Variants in PRR12 observed in about 807,000 individuals in gnomAD.
The protein encoded by PRR12 is proline rich 12.
Under a neutral mutation model 138.0 loss-of-function variants are expected in PRR12, and 12 were observed. The observed-to-expected ratio is 0.09, with a 90% CI of 0.06 to 0.14. The LOEUF is 0.14. Ranked by LOEUF, PRR12 falls within the 10% of genes least tolerant of loss-of-function variation. PRR12 has a pLI of 1.00. For synonymous variants in PRR12, 1,567 were observed against 1,291.7 expected, an observed-to-expected ratio of 1.21 and a Z score of -4.57; for missense variants, 2,692 against 2,861.3, an observed-to-expected ratio of 0.94 and a Z score of 1.35.
At chr19:49,611,133 C>G (rs776898001) in intron 6 of PRR12, among the ~76,000 whole-genome samples, 1 of 152,008 alleles carries the variant, frequency 6.6e-6, no homozygotes, top group Non-Finnish European at 1.5e-5. Context: ...TGAGCCACTG[C>G]GCCTGGCCAT....
chr19:49,622,908 C>CATATATAT (rs61466559), intron 11 of PRR12, among the ~76,000 whole-genome samples: 105 of 97,180 alleles, frequency 1.1e-3, no homozygotes, highest in African/African-American at 4.1e-3. Context: ...AAAACAAAAA[C>CATATATAT]ATATATATAT....
chr19:49,592,900 G>C (rs569501407), intron 1 of PRR12, among the ~76,000 whole-genome samples: 1 of 151,814 alleles, frequency 6.6e-6, no homozygotes, highest in African/African-American at 2.4e-5. Flanking sequence ...GTTCCCGTGT[G>C]TCTACGGAAG....
chr19:49,596,369 C>T lies in PRR12; in HGVS notation c.2034C>T (p.Gly678=), dbSNP rs777089986. The part of the protein sequence containing the change: ...ADASKGLGGS[G]GAGGPPGTPY... ...CCTCTAAGGGACTTGGGGGGAGTGG[C>T]GGGGCCGGGGGACCACCGGGTACAC... Residue 678 remains glycine (G), a synonymous_variant, in exon 4 of 14, where the codon GGC becomes GGT. Coordinates refer to ENST00000418929, the MANE Select transcript of PRR12 (RefSeq NM_020719.3). This position sits in a 1 kb window ranked among gnomAD's most constrained non-coding sequence, Gnocchi z 5.6. The T allele has an allele frequency of 1.7e-5, 27 of 1,598,022 alleles. No individual in the cohort carries two copies. Among genetic ancestry groups the T allele is most frequent in the East Asian group, 1.4e-4 (6 of 44,428 alleles).
At position 49,596,807 on chromosome 19, in the gene PRR12, T is replaced by C. The variant is rs754729382; in HGVS notation, c.2472T>C (p.Leu824=). 2 of 1,599,784 alleles carry C rather than the reference T, an allele frequency of 1.3e-6. No homozygotes were observed. Among genetic ancestry groups the C allele is most frequent in the East Asian group, 2.2e-5 (1 of 44,818 alleles). Residue 824 remains leucine (L), a synonymous_variant, in exon 4 of 14, where the codon CTT becomes CTC. Coordinates refer to ENST00000418929, the MANE Select transcript of PRR12 (RefSeq NM_020719.3). This position sits in a 1 kb window ranked among gnomAD's most constrained non-coding sequence, Gnocchi z 5.6. The part of the protein sequence containing the change: ...PSASKVGVHL[L]EPATRDGAPQ... ...CCTCCAAAGTCGGCGTCCACCTCCTTGAGCCAGCCACCCGCGATGGGGCAC... is the reference window on the plus strand; with the variant it reads ...CCTCCAAAGTCGGCGTCCACCTCCTCGAGCCAGCCACCCGCGATGGGGCAC...
At position 49,599,964 on chromosome 19, in the gene PRR12, A is replaced by G; in HGVS notation, c.4345+26A>G. 1 of 1,559,256 alleles carries G rather than the reference A, an allele frequency of 6.4e-7. No homozygotes were observed. The highest frequency in any genetic ancestry group is 8.7e-7 in the Non-Finnish European group (1 of 1,151,474). ...GTGAGCTCTGGGCAGGTGGTCTGGG[A>G]GTAGAGCTTAAAGGTTATTATGATC... is the stretch of plus-strand genomic sequence containing the variant. On this transcript the variant is annotated intron_variant, in intron 5 of 13. Coordinates refer to ENST00000418929, the MANE Select transcript of PRR12 (RefSeq NM_020719.3). The surrounding 1 kb of genome is among the most constrained non-coding windows in gnomAD (Gnocchi z 5.0).
At chr19:49,602,584 C>T (rs10412266) in intron 6 of PRR12, among the ~76,000 whole-genome samples, 1,659 of 152,184 alleles carry the variant, frequency 0.011, 31 homozygotes, top group African/African-American at 0.037. Context: ...GATGGAGTTT[C>T]GCTCTTGTCC....
intron 6 of PRR12, among the ~76,000 whole-genome samples, chr19:49,610,481 C>T (rs577438831): frequency 2.0e-5 from 3 of 151,494 alleles, no homozygotes; most frequent in African/African-American, 4.9e-5. Context: ...CAACACATTG[C>T]GGCCTGAGGT....
Position 49,596,443 on chromosome 19 carries a change from T to A in PRR12, c.2108T>A (p.Val703Asp). ...EDPQRYHLQS[V>D]IRTSASLDEG... The stretch of plus-strand genomic sequence containing the variant: ...CCCCAGAGGTACCACCTGCAGAGTG[T>A]CATCCGCACCAGTGCCAGCCTGGAT... Residue 703 changes from valine (V) to aspartate (D), a missense_variant, in exon 4 of 14, where the codon GTC becomes GAC. Physicochemically the swap from Val to Asp is radical, Grantham distance 152. Coordinates refer to ENST00000418929, the MANE Select transcript of PRR12 (RefSeq NM_020719.3). The surrounding 1 kb of genome is among the most constrained non-coding windows in gnomAD (Gnocchi z 5.6). 6.2e-7 allele frequency: 1 copy of A among 1,610,842 alleles called. No homozygotes were observed. Among genetic ancestry groups the A allele is most frequent in the Non-Finnish European group, 8.5e-7 (1 of 1,179,420 alleles).
In PRR12 at chr19:49,602,476, A is replaced by G. The variant is rs186878261; in HGVS notation, c.4773+558A>G. Among the ~76,000 whole-genome samples the G allele has an allele frequency of 2.2e-3, 336 of 152,346 alleles. 1 individual carries two copies. The highest frequency in any genetic ancestry group is 2.8e-3 in the Non-Finnish European group (193 of 68,022). On this transcript the variant is annotated intron_variant, in intron 6 of 13. Transcript: ENST00000418929. ...CACTTTGGGAGTTTGAGACCAGCCT[A>G]GGCAACATAATGAAACCTTTTCTCT...
rs779749262 is a variant in PRR12, at chr19:49,601,540, G to A, written c.4395G>A (p.Pro1465=). 84 of 1,448,772 alleles carry A rather than the reference G, an allele frequency of 5.8e-5. No homozygotes were observed. The Middle Eastern group carries it at 8.9e-4, about 15-fold the overall frequency. 89.7% of individuals were successfully genotyped at this position (1,448,772 alleles called of 1,614,324 possible). A position where few individuals can be genotyped will look rare whatever the true frequency, so the allele number is the denominator to read the frequency against. ...CCCCACCCACTCCACCTCCTGCCCC[G>A]ACTCCTCAGCCTCAGCCTCCGCCAC... ...EKPPPTPPPA[P]TPQPQPPPPP... The change falls in exon 6 of 14, where the codon CCG becomes CCA. Residue 1465 remains proline, a synonymous_variant. Transcript: ENST00000418929.
At chr19:49,610,202 C>T (rs903224529) in intron 6 of PRR12, among the ~76,000 whole-genome samples, 8 of 151,756 alleles carry the variant, frequency 5.3e-5, no homozygotes, top group Non-Finnish European at 8.8e-5. Context: ...CTCGAACTCC[C>T]GACCTCAGGT....
In PRR12 at chr19:49,595,462, G is replaced by T; in HGVS notation, c.1127G>T (p.Gly376Val). ...GCAGGGGGCGGTGGGGCTGGGGGTG[G>T]TGGTGGAGGTTACCGCCCCATCATT... is the stretch of plus-strand genomic sequence containing the variant. The part of the protein sequence containing the change: ...EAAGGGGAGG[G>V]GGGYRPIIQS... The change falls in exon 4 of 14, where the codon GGT becomes GTT. Residue 376 changes from glycine (G) to valine (V), a missense_variant. Coordinates refer to ENST00000418929, the MANE Select transcript of PRR12 (RefSeq NM_020719.3). 1.9e-6 allele frequency: 3 copies of T among 1,549,602 alleles called. No homozygotes were observed. Among genetic ancestry groups the T allele is most frequent in the Non-Finnish European group, 2.6e-6 (3 of 1,147,548 alleles).
At chr19:49,603,384 C>G (rs192829426) in intron 6 of PRR12, among the ~76,000 whole-genome samples, 1 of 152,214 alleles carries the variant, frequency 6.6e-6, no homozygotes, top group Non-Finnish European at 1.5e-5. Flanking sequence ...TTTGGCCCTT[C>G]GTGTACAGTG....
rs765901626 is a variant in PRR12 at position 49,616,061 on chromosome 19, G to C, written c.5339G>C (p.Arg1780Pro). The change falls in exon 9 of 14, where the codon CGG becomes CCG. Residue 1780 changes from arginine (R) to proline (P), a missense_variant. Physicochemically the swap from Arg to Pro is moderately radical, Grantham distance 103. Around this residue, in one of 11 missense-constraint regions of PRR12, gnomAD observed 259 missense variants for 265.1 expected, o/e 0.98. Transcript: ENST00000418929. This position sits in a 1 kb window ranked among gnomAD's most constrained non-coding sequence, Gnocchi z 4.2. Reference protein sequence around the residue: ...SLATGQPATSRLPKARPTKVK... With the variant: ...SLATGQPATSPLPKARPTKVK... ...GCCACGGGACAACCTGCCACATCCC[G>C]GCTGCCCAAAGCCCGGCCTACCAAG... 2.6e-6 allele frequency: 4 copies of C among 1,563,894 alleles called. No homozygotes were observed. The highest frequency in any genetic ancestry group is 3.5e-6 in the Non-Finnish European group (4 of 1,154,844).
In PRR12 at chr19:49,597,192, A is replaced by G; in HGVS notation, c.2857A>G (p.Met953Val). The G allele has an allele frequency of 6.4e-7, 1 of 1,558,394 alleles. No homozygotes were observed. The highest frequency in any genetic ancestry group is 8.7e-7 in the Non-Finnish European group (1 of 1,151,320). Residue 953 changes from methionine (M) to valine (V), a missense_variant, in exon 4 of 14, where the codon ATG becomes GTG. Transcript: ENST00000418929. This position sits in a 1 kb window ranked among gnomAD's most constrained non-coding sequence, Gnocchi z 6.3. ...CAGCTTCTTCCCCACCATGGAGGAG[A>G]TGTTCGGTGGAGGGGCCGCGGACGA... ...ERSFFPTMEE[M>V]FGGGAADDYG...
chr19:49,597,379 C>G lies in PRR12; in HGVS notation c.3044C>G (p.Pro1015Arg). 6.5e-7 allele frequency: 1 copy of G among 1,538,046 alleles called. No homozygotes were observed. Among genetic ancestry groups the G allele is most frequent in the Non-Finnish European group, 8.7e-7 (1 of 1,146,648 alleles). ...GGCCTGGGCCTGGACCCCAACAAAC[C>G]GCCTGAACTGCCCTCCACGGTCAAC... Reference protein sequence around the residue: ...TPGLGLDPNKPPELPSTVNAE... With the variant: ...TPGLGLDPNKRPELPSTVNAE... Residue 1015 changes from proline (P) to arginine (R), a missense_variant, in exon 4 of 14, where the codon CCG (proline) becomes CGG (arginine). Physicochemically the swap from Pro to Arg is moderately radical, Grantham distance 103. Transcript: ENST00000418929. The surrounding 1 kb of genome is among the most constrained non-coding windows in gnomAD (Gnocchi z 6.3).
At chr19:49,601,040 A>C (rs1433874816) in intron 5 of PRR12, among the ~76,000 whole-genome samples, 4 of 152,122 alleles carry the variant, frequency 2.6e-5, no homozygotes, top group African/African-American at 9.7e-5. Context: ...GAGGTTCTTA[A>C]AAAGCCTGAA....
rs1315625390 is a variant in PRR12, at chr19:49,621,594, A to G, written c.5693A>G (p.Lys1898Arg). The G allele has an allele frequency of 6.2e-7, 1 of 1,600,632 alleles. No homozygotes were observed. Among genetic ancestry groups the G allele is most frequent in the African/African-American group, 1.3e-5 (1 of 74,472 alleles). The change falls in exon 11 of 14, where the codon AAG becomes AGG. Residue 1898 changes from lysine (K) to arginine (R), a missense_variant. Lys to Arg is a conservative substitution (Grantham distance 26). Around this residue, in one of 11 missense-constraint regions of PRR12, gnomAD observed 116 missense variants for 243.4 expected, o/e 0.48. Transcript: ENST00000418929. ...AATGAGCACAAGAAGAAAGTCCTGA[A>G]GCGGCTGTCGCTAAGCCCAGCCCTG... ...LLNEHKKKVLKRLSLSPALQD... is the reference protein window; with the variant it reads ...LLNEHKKKVLRRLSLSPALQD...
At chr19:49,600,925 ATGT>A (rs2122314673) in intron 5 of PRR12, among the ~76,000 whole-genome samples, 1 of 152,088 alleles carries the variant, frequency 6.6e-6, no homozygotes, top group African/African-American at 2.4e-5. Flanking sequence ...GGGTTTCACC[ATGT>A]TGGCCAGACT....
Sources: gnomAD v4.1 joint callset for allele counts (sites outside exome capture counted in the v4.1 genomes callset) on GRCh38, gnomAD v4.1.1 for gene constraint, gnomAD v4.1.1 regional missense constraint, Gnocchi (gnomAD v3.1) non-coding constraint, MANE v1.5 for transcripts, NCBI Gene and HGNC (gene_info 2026-07-23, HGNC 2026-07-21) for gene names.